FYB2: variants seen among roughly 807,000 people sequenced by gnomAD.
The protein encoded by FYB2 is FYN-binding protein 2.
A neutral mutation model predicts 94.1 loss-of-function variants in FYB2; 103 were observed. That is an observed-to-expected ratio of 1.09 (90% CI 0.93 to 1.29). The LOEUF (loss-of-function observed/expected upper bound fraction) is 1.29. Ranked by LOEUF, FYB2 falls within the 50% of genes most tolerant of loss-of-function variation. FYB2 has a pLI of 0.00. For missense variants in FYB2, 896 were observed against 841.5 expected (o/e 1.06, Z -0.80); for synonymous variants, 293 against 287.9 (o/e 1.02, Z -0.18).
chr1:56,729,674 T>A (rs1047230738), intron 15 of FYB2, among the ~76,000 whole-genome samples: 1 of 152,096 alleles, frequency 6.6e-6, no homozygotes, highest in South Asian at 2.1e-4. Flanking sequence ...TTAACAGACA[T>A]CTACAGAACT....
chr1:56,807,499 T>G (rs947639), intron 1 of FYB2, among the ~76,000 whole-genome samples: 2 of 152,008 alleles, frequency 1.3e-5, no homozygotes, highest in South Asian at 2.1e-4. Flanking sequence ...GACCCTATTT[T>G]TCCAATACTA....
Position 56,720,190 on chromosome 1 carries a change from C to T in FYB2, c.2114G>A (p.Arg705His), listed in dbSNP as rs370195906. Residue 705 changes from arginine to histidine, a missense_variant, in exon 18 of 20, where the codon CGT (arginine) becomes CAT (histidine). By Grantham distance (29) the Arg-to-His change is conservative. Coordinates refer to ENST00000343433, the MANE Select transcript of FYB2 (RefSeq NM_001004303.5). ...DTTEQNLVICRNSKGKYGYVL... is the reference protein window; with the variant it reads ...DTTEQNLVICHNSKGKYGYVL... Reference sequence around the variant, plus strand: ...AAACTTACATTTGCCTTTAGAATTACGACATATCACTAGATTTTGTTCGGT... The same window carrying T: ...AAACTTACATTTGCCTTTAGAATTATGACATATCACTAGATTTTGTTCGGT... 91 of 1,609,620 alleles carry T rather than the reference C, an allele frequency of 5.7e-5. No individual in the cohort carries two copies. Among genetic ancestry groups the T allele is most frequent in the Admixed American group, 2.4e-4 (14 of 59,434 alleles).
upstream of FYB2, among the ~76,000 whole-genome samples, chr1:56,820,578 A>C (rs1281429261): frequency 6.6e-6 from 1 of 152,200 alleles, no homozygotes; most frequent in Non-Finnish European, 1.5e-5. Flanking sequence ...GGTGGAGCAC[A>C]GGTGAGGAGA....
In FYB2 at chr1:56,817,110, C is replaced by T. The variant is rs374376191; in HGVS notation, c.9+2172G>A. ...AAATGTAAGCTGGATTGCGTCATTG[C>T]CTGGTCCACAATGCCCAGGTGGCTC... On this transcript the variant is annotated intron_variant, in intron 1 of 19. Coordinates refer to ENST00000343433, the MANE Select transcript of FYB2 (RefSeq NM_001004303.5). Among the ~76,000 whole-genome samples, 9 of 152,260 alleles carry T rather than the reference C, an allele frequency of 5.9e-5. No individual in the cohort carries two copies. In the East Asian group the frequency reaches 1.4e-3, roughly 23 times the overall value.
upstream of FYB2, among the ~76,000 whole-genome samples, chr1:56,821,214 G>T (rs1344185443): frequency 1.3e-5 from 2 of 152,202 alleles, no homozygotes; most frequent in African/African-American, 2.4e-5. Context: ...TAGTGCAAGG[G>T]CTCCCCCTAG....
intron 5 of FYB2, among the ~76,000 whole-genome samples, chr1:56,762,355 G>A (rs888087723): frequency 2.0e-5 from 3 of 151,946 alleles, no homozygotes; most frequent in Admixed American, 6.6e-5. Context: ...TGTGTCTTCC[G>A]ATCCATAAAC....
chr1:56,813,338 A>G (rs2101093453), intron 1 of FYB2, among the ~76,000 whole-genome samples: 1 of 152,324 alleles, frequency 6.6e-6, no homozygotes, highest in South Asian at 2.1e-4. Flanking sequence ...GCAAAGGAGG[A>G]AGGGAAAAGG....
chr1:56,815,498 T>C (rs1286431255), intron 1 of FYB2, among the ~76,000 whole-genome samples: 2 of 152,156 alleles, frequency 1.3e-5, no homozygotes, highest in Admixed American at 6.5e-5. Flanking sequence ...AATTCCAAGA[T>C]AGGGCCTGAG....
intron 5 of FYB2, among the ~76,000 whole-genome samples, chr1:56,763,789 T>G (rs1645557493): frequency 6.6e-6 from 1 of 152,090 alleles, no homozygotes; most frequent in Admixed American, 6.5e-5. Flanking sequence ...TTTTTTGTTT[T>G]CATTTCATTT....
intron 1 of FYB2, 96 bp downstream of exon 1, chr1:56,819,186 C>T (rs1320325177): frequency 2.6e-6 from 4 of 1,555,192 alleles, no homozygotes; most frequent in Non-Finnish European, 2.7e-6. Context: ...AGGCAGCACA[C>T]ACAAGCAGTT....
chr1:56,757,699 T>TTTCTTTCC (rs1645377914), intron 6 of FYB2, among the ~76,000 whole-genome samples: 2 of 75,922 alleles, frequency 2.6e-5, no homozygotes, highest in African/African-American at 1.2e-4. Context: ...TCTTTCTTTC[T>TTTCTTTCC]TTCTTTCTTT....
chr1:56,766,159 A>T (rs943084644), intron 5 of FYB2, among the ~76,000 whole-genome samples: 8 of 152,208 alleles, frequency 5.3e-5, no homozygotes, highest in African/African-American at 1.9e-4. Flanking sequence ...GAAATGCACA[A>T]TCTCAGACTC....
At chr1:56,796,713 A>G (rs981786408) in intron 1 of FYB2, among the ~76,000 whole-genome samples, 5 of 152,098 alleles carry the variant, frequency 3.3e-5, no homozygotes, top group Non-Finnish European at 5.9e-5. Context: ...CCTCCCCCCA[A>G]CATGCTTTCT....
chr1:56,797,240 G>A (rs1049629490), intron 1 of FYB2, among the ~76,000 whole-genome samples: 1 of 152,138 alleles, frequency 6.6e-6, no homozygotes, highest in Non-Finnish European at 1.5e-5. Context: ...TGAAGCCCCA[G>A]TGCACAGTGT....
chr1:56,749,977 T>C (rs1352149410), intron 9 of FYB2, among the ~76,000 whole-genome samples: 3 of 152,060 alleles, frequency 2.0e-5, no homozygotes, highest in Non-Finnish European at 2.9e-5. Flanking sequence ...TATTGCCTAG[T>C]CCACCATATT....
chr1:56,720,042 G>T lies in FYB2; in HGVS notation c.2145C>A (p.Leu715=). 6.2e-7 allele frequency: 1 copy of T among 1,602,420 alleles called. No homozygotes were observed. The highest frequency in any genetic ancestry group is 1.1e-5 in the South Asian group (1 of 88,346). The change falls in exon 19 of 20, where the codon CTC becomes CTA. Residue 715 remains leucine (L), a synonymous_variant. Transcript: ENST00000343433. ...RNSKGKYGYV[L]IEHLDFKHQS... is the part of the protein sequence containing the mutation. ...CTTACTTGAAATCTAGATGTTCAAT[G>T]AGCACATATCCATCTAATAGAAACA...
At chr1:56,805,021 T>C (rs754119418) in intron 1 of FYB2, among the ~76,000 whole-genome samples, 7 of 152,172 alleles carry the variant, frequency 4.6e-5, no homozygotes, top group Non-Finnish European at 1.0e-4. Context: ...TGGCTAAATG[T>C]ATTCATCTTT....
intron 8 of FYB2, among the ~76,000 whole-genome samples, chr1:56,752,098 G>A (rs1339601047): frequency 1.3e-5 from 2 of 152,032 alleles, no homozygotes; most frequent in African/African-American, 4.8e-5. Context: ...GTAGCAAGGA[G>A]GCTGCTGATA....
Position 56,740,730 on chromosome 1 carries a change from T to A in FYB2, c.1670A>T (p.Lys557Ile). 6.2e-7 allele frequency: 1 copy of A among 1,607,518 alleles called. No homozygotes were observed. Among genetic ancestry groups the A allele is most frequent in the South Asian group, 1.1e-5 (1 of 90,192 alleles). The change falls in exon 13 of 20, where the codon AAA (lysine) becomes ATA (isoleucine). Residue 557 changes from lysine to isoleucine, a missense_variant. Lys to Ile is a moderately radical substitution (Grantham distance 102, BLOSUM62 -3). Transcript: ENST00000343433. Reference sequence around the variant, plus strand: ...TTCTTTCGACTTGGTTTTCTTTATTTTAAATCTATCCTTTTCTTTCTTGAA... The same window carrying A: ...TTCTTTCGACTTGGTTTTCTTTATTATAAATCTATCCTTTTCTTTCTTGAA... ...QFFKKEKDRF[K>I]IKKTKSKENL...
Sources: allele counts gnomAD v4.1 joint callset (sites outside exome capture counted in the v4.1 genomes callset), GRCh38; gene constraint gnomAD v4.1.1; transcripts MANE v1.5; gene names NCBI Gene and HGNC (gene_info 2026-07-23, HGNC 2026-07-21).